LRRC39: variants seen among roughly 807,000 people sequenced by gnomAD.
LRRC39 encodes leucine rich repeat containing 39, also known as leucine-rich repeat-containing protein 39.
LRRC39 carries 35 observed loss-of-function variants against 39.7 expected under a neutral mutation model. The observed-to-expected ratio is 0.88, with a 90% CI of 0.67 to 1.17. The LOEUF (loss-of-function observed/expected upper bound fraction) is 1.17. LRRC39 is among the 50% of genes most tolerant of loss of function. LRRC39 has a pLI of 0.00. For synonymous variants in LRRC39, 113 were observed against 134.1 expected (o/e 0.84, Z 1.09); for missense variants, 357 against 385.8 (o/e 0.93, Z 0.62).
chr1:100,155,299 A>G, intron 7 of LRRC39, 96 bp from the exon 8 acceptor site: 1 of 1,150,674 alleles, frequency 8.7e-7, no homozygotes, highest in East Asian at 2.8e-5. Context: ...GGGTCTTATC[A>G]TGTTGTCCAG....
At chr1:100,155,841 G>A (rs1312851712) in intron 7 of LRRC39, among the ~76,000 whole-genome samples, 1 of 152,114 alleles carries the variant, frequency 6.6e-6, no homozygotes, top group Non-Finnish European at 1.5e-5. Context: ...GAAGTGCTTG[G>A]CATATGCTAA....
rs188473185 is a variant in LRRC39 at position 100,157,811 on chromosome 1, T to C, written c.513+420A>G. On this transcript the variant is annotated intron_variant, in intron 6 of 9. Transcript: ENST00000370137. The stretch of plus-strand genomic sequence containing the variant: ...TTATTTTTATATGATCAATTTGGTT[T>C]GACCAATAACAAGACATCATACCAA... Among the ~76,000 whole-genome samples, 13 of 152,360 alleles carry C rather than the reference T, an allele frequency of 8.5e-5. No individual in the cohort carries two copies. In the East Asian group the frequency reaches 1.9e-3, roughly 23 times the overall value.
chr1:100,168,148 A>G (rs1238050241), intron 3 of LRRC39, among the ~76,000 whole-genome samples: 1 of 152,120 alleles, frequency 6.6e-6, no homozygotes, highest in Non-Finnish European at 1.5e-5. Context: ...TATGATACTA[A>G]TCAAACTTTG....
chr1:100,169,190 T>A (rs979475064), intron 2 of LRRC39, among the ~76,000 whole-genome samples: 1 of 152,138 alleles, frequency 6.6e-6, no homozygotes, highest in Non-Finnish European at 1.5e-5. Context: ...ATAATCGTAC[T>A]GATTTTTGAT....
intron 7 of LRRC39, 36 bp downstream of exon 7, chr1:100,156,136 A>G: frequency 6.3e-7 from 1 of 1,582,426 alleles, no homozygotes; most frequent in Non-Finnish European, 8.6e-7. Flanking sequence ...AGGTTTCAAG[A>G]CTTTTATCAT....
chr1:100,162,247 A>C (rs1348560430), intron 3 of LRRC39, among the ~76,000 whole-genome samples: 1 of 152,182 alleles, frequency 6.6e-6, no homozygotes, highest in Non-Finnish European at 1.5e-5. Context: ...TCTAGTCTTT[A>C]CTTTTTACAT....
chr1:100,159,050 T>C (rs144335749), intron 5 of LRRC39, among the ~76,000 whole-genome samples: 1 of 152,300 alleles, frequency 6.6e-6, no homozygotes, highest in African/African-American at 2.4e-5. Context: ...CAAAGAGGCT[T>C]TTCTTTCATT....
At chr1:100,167,809 A>G (rs977182321) in intron 3 of LRRC39, among the ~76,000 whole-genome samples, 2 of 147,726 alleles carry the variant, frequency 1.4e-5, no homozygotes, top group Admixed American at 6.8e-5. Flanking sequence ...TAATAATAAT[A>G]ATAATAATAA....
intron 3 of LRRC39, among the ~76,000 whole-genome samples, chr1:100,162,616 C>T (rs762002476): frequency 4.0e-5 from 6 of 149,704 alleles, no homozygotes; most frequent in Non-Finnish European, 8.9e-5. Context: ...CCAGCCTGGG[C>T]GACAGAGCAA....
intron 1 of LRRC39, among the ~76,000 whole-genome samples, chr1:100,176,470 A>G (rs976554967): frequency 3.3e-5 from 5 of 152,206 alleles, no homozygotes; most frequent in Admixed American, 6.5e-5. Context: ...TCATCCATTG[A>G]ATTATAAAAA....
intron 2 of LRRC39, 82 bp downstream of exon 2, chr1:100,173,249 A>G (rs192056885): frequency 6.6e-6 from 1 of 151,538 alleles, no homozygotes. Flanking sequence ...CAAAAAAAAA[A>G]CAAAACAAAA....
intron 3 of LRRC39, among the ~76,000 whole-genome samples, chr1:100,166,886 GT>G (rs1342744728): frequency 6.6e-6 from 1 of 151,970 alleles, no homozygotes; most frequent in Non-Finnish European, 1.5e-5. Context: ...TAAGATGTCC[GT>G]TTGCTCTTCC....
At chr1:100,168,823 TGGG>T (rs1374071747) in intron 2 of LRRC39, among the ~76,000 whole-genome samples, 4 of 152,040 alleles carry the variant, frequency 2.6e-5, no homozygotes, top group Non-Finnish European at 4.4e-5. Flanking sequence ...ACAATTTTCT[TGGG>T]GGTCTCATAT....
At position 100,168,464 on chromosome 1, in the gene LRRC39, C is replaced by T; in HGVS notation, c.53G>A (p.Trp18Ter). 1.2e-6 allele frequency: 2 copies of T among 1,612,178 alleles called. No homozygotes were observed. The highest frequency in any genetic ancestry group is 2.2e-5 in the South Asian group (2 of 90,698). Reference sequence around the variant, plus strand: ...ATTGAGTTTCTTTATTCTTTTTTCCCAAACTTCCTTTACAGCATTGACAGC... The same window carrying T: ...ATTGAGTTTCTTTATTCTTTTTTCCTAAACTTCCTTTACAGCATTGACAGC... ...TGAVNAVKEV[W>*]EKRIKKLNED... The change falls in exon 3 of 10, where the codon TGG (tryptophan) becomes TAG (stop). Residue 18 changes from tryptophan (W) to a stop codon, truncating the protein, a stop_gained. Transcript: ENST00000370137. LOFTEE classifies it high-confidence loss of function.
At chr1:100,179,299 T>A (rs1660142604), upstream of LRRC39, among the ~76,000 whole-genome samples, 1 of 151,838 alleles carries the variant, frequency 6.6e-6, no homozygotes, top group Non-Finnish European at 1.5e-5. Flanking sequence ...AAAGAAGCCA[T>A]GGCCACAATT....
chr1:100,154,266 G>C (rs764378007), intron 8 of LRRC39, among the ~76,000 whole-genome samples: 4 of 151,882 alleles, frequency 2.6e-5, no homozygotes, highest in Non-Finnish European at 4.4e-5. Flanking sequence ...CAAAACAATT[G>C]GCAATTTTCA....
rs1360812892 is a variant in LRRC39, at chr1:100,159,247, A to C, written c.376+12T>G. ...GATAAAATAGCACAGGAATAAAAGT[A>C]ATCTTTCTTACCAATCCCTGGTGGT... On this transcript the variant is annotated intron_variant, in intron 5 of 9. Transcript: ENST00000370137. 10 of 1,578,426 alleles carry C rather than the reference A, an allele frequency of 6.3e-6. No homozygotes were observed. The highest frequency in any genetic ancestry group is 8.6e-6 in the Non-Finnish European group (10 of 1,165,070).
At chr1:100,165,462 C>A (rs985367713) in intron 3 of LRRC39, among the ~76,000 whole-genome samples, 9 of 152,106 alleles carry the variant, frequency 5.9e-5, no homozygotes, top group Non-Finnish European at 1.0e-4. Flanking sequence ...CCAGGATTGA[C>A]CTTGGGCTTC....
At chr1:100,175,202 GTTTT>G (rs1339307357) in intron 1 of LRRC39, among the ~76,000 whole-genome samples, 1 of 151,946 alleles carries the variant, frequency 6.6e-6, no homozygotes, top group Non-Finnish European at 1.5e-5. Flanking sequence ...TTGTTTGTTT[GTTTT>G]TTGTTTTTTT....
Sources: gnomAD v4.1 joint callset for allele counts (sites outside exome capture counted in the v4.1 genomes callset) on GRCh38, gnomAD v4.1.1 for gene constraint, MANE v1.5 for transcripts, NCBI Gene and HGNC (gene_info 2026-07-23, HGNC 2026-07-21) for gene names.